Variants in ANKRD29 observed in about 807,000 individuals in gnomAD.
ANKRD29 encodes the protein ankyrin repeat domain 29, also known as ankyrin repeat domain-containing protein 29.
Under a neutral mutation model 38.0 loss-of-function variants are expected in ANKRD29, and 32 were observed. The ratio of observed to expected loss-of-function variants is 0.84; its 90% confidence interval spans 0.64 to 1.13. The LOEUF (loss-of-function observed/expected upper bound fraction) is 1.13, where lower values mean the gene tolerates loss of function less well. ANKRD29 is among the 50% of genes most tolerant of loss of function. The probability of loss-of-function intolerance (pLI) is 0.00; values close to 1 mark genes in which losing one functional copy is unlikely to be tolerated. For missense variants in ANKRD29, 357 were observed against 377.9 expected, an observed-to-expected ratio of 0.94 and a Z score of 0.46; for synonymous variants, 135 against 152.4, an observed-to-expected ratio of 0.89 and a Z score of 0.84.
chr18:23,629,458 T>A (rs1427983127), intron 6 of ANKRD29, among the ~76,000 whole-genome samples: 1 of 152,228 alleles, frequency 6.6e-6, no homozygotes, highest in Non-Finnish European at 1.5e-5. Context: ...GGGCAGGTAG[T>A]AAGGCAGCAT....
chr18:23,654,439 G>A (rs938156565), intron 1 of ANKRD29, among the ~76,000 whole-genome samples: 2 of 151,572 alleles, frequency 1.3e-5, no homozygotes, highest in Non-Finnish European at 2.9e-5. Flanking sequence ...GGCCAACAAC[G>A]TGAAACCCTG....
Position 23,662,747 on chromosome 18 carries a change from G to T in ANKRD29, c.-17C>A. 6.8e-7 allele frequency: 1 copy of T among 1,461,540 alleles called. No individual in the cohort carries two copies. Among genetic ancestry groups the T allele is most frequent in the African/African-American group, 1.5e-5 (1 of 68,378 alleles). The allele number at this position is 1,461,540 out of a possible 1,614,324, so 90.5% of individuals were successfully genotyped here. A position where few individuals can be genotyped will look rare whatever the true frequency, so the allele number is the denominator to read the frequency against. ...CCTGCACATGTCCGCGGCCGCCCGA[G>T]CGGGAGCCGGCGCGCTTTGGGCCCG... On this transcript the variant is annotated 5_prime_UTR_variant, in exon 1 of 10. Transcript: ENST00000592179.
chr18:23,622,411 C>G (rs1210175749), intron 6 of ANKRD29, among the ~76,000 whole-genome samples: 2 of 152,148 alleles, frequency 1.3e-5, no homozygotes, highest in Non-Finnish European at 2.9e-5. Flanking sequence ...CTTTGTCACT[C>G]TCTCCACCAG....
At chr18:23,616,086 C>T (rs1175079599) in intron 8 of ANKRD29, among the ~76,000 whole-genome samples, 1 of 149,640 alleles carries the variant, frequency 6.7e-6, no homozygotes. Flanking sequence ...GCATACTCTA[C>T]ACATACCGTA....
chr18:23,641,751 C>A (rs553340335), intron 3 of ANKRD29, among the ~76,000 whole-genome samples: 7 of 152,332 alleles, frequency 4.6e-5, no homozygotes, highest in Non-Finnish European at 1.0e-4. Context: ...CAGCCAGATT[C>A]AAAAAGATGT....
chr18:23,641,391 G>A (rs913764978), intron 3 of ANKRD29, among the ~76,000 whole-genome samples: 4 of 152,214 alleles, frequency 2.6e-5, no homozygotes, highest in South Asian at 2.1e-4. Context: ...CCCCACTCCC[G>A]GCACCTGCTC....
At chr18:23,620,797 C>T (rs1031819805) in intron 6 of ANKRD29, among the ~76,000 whole-genome samples, 1 of 152,156 alleles carries the variant, frequency 6.6e-6, no homozygotes, top group African/African-American at 2.4e-5. Context: ...CCCCCAGTCC[C>T]CATGGCCCAC....
chr18:23,652,843 T>C (rs1243495104), intron 1 of ANKRD29, among the ~76,000 whole-genome samples: 1 of 152,246 alleles, frequency 6.6e-6, no homozygotes. Context: ...TATCAGGCAG[T>C]GTGCTAAACA....
chr18:23,619,263 A>T, intron 7 of ANKRD29: 2 of 425,992 alleles, frequency 4.7e-6, no homozygotes. Flanking sequence ...GACAGGCGGG[A>T]GGCCCCCAGG....
chr18:23,619,647 G>A lies in ANKRD29; in HGVS notation c.529-18C>T. 4 of 1,530,944 alleles carry A rather than the reference G, an allele frequency of 2.6e-6. No individual in the cohort carries two copies. Among genetic ancestry groups the A allele is most frequent in the Non-Finnish European group, 3.5e-6 (4 of 1,152,154 alleles). The allele number at this position is 1,530,944 out of a possible 1,614,324, so 94.8% of individuals were successfully genotyped here. On this transcript the variant is annotated intron_variant, in intron 6 of 9. Transcript: ENST00000592179. Reference sequence around the variant, plus strand: ...GTCCCGTCCTGCGGGAAGAGGAGGCGGCGGCCGCCGTGACTGGGGCGCCCG... The same window carrying A: ...GTCCCGTCCTGCGGGAAGAGGAGGCAGCGGCCGCCGTGACTGGGGCGCCCG...
intron 9 of ANKRD29, among the ~76,000 whole-genome samples, chr18:23,607,891 G>T (rs2145634270): frequency 6.6e-6 from 1 of 152,334 alleles, no homozygotes; most frequent in African/African-American, 2.4e-5. Flanking sequence ...CCTGCACCCA[G>T]GGGTATGGCT....
At position 23,649,078 on chromosome 18, in the gene ANKRD29, C is replaced by T. The variant is rs778282618; in HGVS notation, c.132+5G>A. 1.3e-5 allele frequency: 21 copies of T among 1,613,330 alleles called. No individual in the cohort carries two copies. The highest frequency in any genetic ancestry group is 6.6e-5 in the South Asian group (6 of 90,936). On this transcript the variant is annotated splice_donor_5th_base_variant and intron_variant, in intron 2 of 9. Coordinates refer to ENST00000592179, the MANE Select transcript of ANKRD29 (RefSeq NM_173505.4). Reference sequence around the variant, plus strand: ...GCTGGGCATGCATCTACCGAACCACCGTACGCTGTCTCTGCAGTCCACGTC... The same window carrying T: ...GCTGGGCATGCATCTACCGAACCACTGTACGCTGTCTCTGCAGTCCACGTC...
intron 1 of ANKRD29, 137 bp from the exon 2 acceptor site, chr18:23,649,330 T>C: frequency 2.7e-6 from 2 of 733,706 alleles, no homozygotes; most frequent in African/African-American, 1.7e-5. Flanking sequence ...CCTCCAGCAA[T>C]AGACAACTGT....
chr18:23,623,556 G>A (rs987019224), intron 6 of ANKRD29, among the ~76,000 whole-genome samples: 3 of 152,022 alleles, frequency 2.0e-5, no homozygotes, highest in East Asian at 1.9e-4. Context: ...GGGCCAAGGC[G>A]GGAGGATGGC....
At chr18:23,647,894 G>C (rs2060160328) in intron 2 of ANKRD29, 1 of 152,294 alleles carries the variant, frequency 6.6e-6, no homozygotes, top group South Asian at 2.1e-4. Context: ...GGGATAATTG[G>C]AAGAAAGTGT....
At chr18:23,654,020 C>A (rs1212091906) in intron 1 of ANKRD29, among the ~76,000 whole-genome samples, 2 of 151,914 alleles carry the variant, frequency 1.3e-5, no homozygotes, top group Admixed American at 6.6e-5. Context: ...GTAATCTCAG[C>A]ACTTTGGGAG....
chr18:23,633,093 A>G (rs1351498174), intron 5 of ANKRD29, among the ~76,000 whole-genome samples: 2 of 152,180 alleles, frequency 1.3e-5, no homozygotes, highest in African/African-American at 4.8e-5. Context: ...AAGTCTATTC[A>G]TCTCCCTATA....
chr18:23,657,899 G>A (rs1285525491), intron 1 of ANKRD29, among the ~76,000 whole-genome samples: 3 of 152,094 alleles, frequency 2.0e-5, no homozygotes, highest in African/African-American at 4.8e-5. Context: ...TGCCCGAGTT[G>A]GTCCAGAAAG....
intron 1 of ANKRD29, among the ~76,000 whole-genome samples, chr18:23,659,413 T>C (rs765356240): frequency 5.8e-4 from 88 of 152,244 alleles, no homozygotes; most frequent in Non-Finnish European, 1.1e-3. Flanking sequence ...GGTATATTCC[T>C]AGTAGTGAAA....
Sources: gnomAD v4.1 joint callset for allele counts (sites outside exome capture counted in the v4.1 genomes callset) on GRCh38, gnomAD v4.1.1 for gene constraint, MANE v1.5 for transcripts, NCBI Gene and HGNC (gene_info 2026-07-23, HGNC 2026-07-21) for gene names.